The following ZC3H12B variants were observed in gnomAD, a reference collection of about 807,000 sequenced individuals.
ZC3H12B encodes probable ribonuclease ZC3H12B.
In ZC3H12B, 7 loss-of-function variants were observed where a neutral mutation model predicts 43.9. That is an observed-to-expected ratio of 0.16 (90% CI 0.09 to 0.30). The LOEUF (loss-of-function observed/expected upper bound fraction) is 0.30, where lower values mean the gene tolerates loss of function less well. Ranked by LOEUF, ZC3H12B falls within the 10% of genes least tolerant of loss-of-function variation. ZC3H12B has a pLI of 1.00. For synonymous variants in ZC3H12B, 222 were observed against 241.7 expected (o/e 0.92, Z 0.76); for missense variants, 475 against 670.2 (o/e 0.71, Z 3.22).
At chrX:65,196,847 C>A in the ZC3H12B span, among the ~76,000 whole-genome samples, 3 of 111,379 alleles carry the variant, frequency 2.7e-5, no homozygotes, top group African/African-American at 9.8e-5. Context: ...CTCCAATAGA[C>A]AGGAAAAAAG....
At chrX:65,424,882 T>C (rs1448216937) in intron 3 of ZC3H12B, among the ~76,000 whole-genome samples, 3 of 111,979 alleles carry the variant, frequency 2.7e-5, no homozygotes, top group African/African-American at 9.8e-5. Flanking sequence ...GTAGTATAGT[T>C]TGAAGTTGGG....
the ZC3H12B span, among the ~76,000 whole-genome samples, chrX:65,294,595 C>T: frequency 1.8e-5 from 2 of 111,619 alleles, no homozygotes; most frequent in African/African-American, 3.2e-5. Context: ...TATCTGCTAT[C>T]TTCAGAAGAC....
intron 3 of ZC3H12B, among the ~76,000 whole-genome samples, chrX:65,418,190 C>T (rs73518258): frequency 1.9e-3 from 213 of 111,225 alleles, no homozygotes; most frequent in African/African-American, 6.7e-3. Flanking sequence ...TGAGAGAATG[C>T]TACCTTAATT....
the ZC3H12B span, among the ~76,000 whole-genome samples, chrX:65,119,162 C>A: frequency 9.0e-6 from 1 of 111,512 alleles, no homozygotes; most frequent in Non-Finnish European, 1.9e-5. Context: ...TGGGTGTATA[C>A]CCAGTAATCG....
the ZC3H12B span, among the ~76,000 whole-genome samples, chrX:65,240,250 T>G: frequency 8.9e-6 from 1 of 111,884 alleles, no homozygotes; most frequent in Admixed American, 9.5e-5. Flanking sequence ...AGTCCCATAT[T>G]TTTTGGAGGT....
chrX:65,102,713 C>A, the ZC3H12B span, among the ~76,000 whole-genome samples: 41 of 111,522 alleles, frequency 3.7e-4, no homozygotes, highest in South Asian at 7.5e-4. Flanking sequence ...AGAACAAAAA[C>A]CACTTCTCAA....
chrX:65,099,205 A>G, the ZC3H12B span, among the ~76,000 whole-genome samples: 5 of 111,721 alleles, frequency 4.5e-5, no homozygotes, highest in African/African-American at 1.6e-4. Flanking sequence ...AAAGGCAGCA[A>G]CCTCAGTCAG....
chrX:65,255,293 G>A, the ZC3H12B span, among the ~76,000 whole-genome samples: 1 of 111,601 alleles, frequency 9.0e-6, no homozygotes, highest in Admixed American at 9.5e-5. Flanking sequence ...AAAACGTTAA[G>A]TCAGCTAGAG....
chrX:65,134,402 G>A, the ZC3H12B span, among the ~76,000 whole-genome samples: 2 of 111,682 alleles, frequency 1.8e-5, no homozygotes, highest in African/African-American at 3.3e-5. Flanking sequence ...TCCCTAGTCC[G>A]TGACCAGCAC....
intron 1 of ZC3H12B, among the ~76,000 whole-genome samples, chrX:65,491,181 A>ATGAATAC (rs2068197293): frequency 8.9e-6 from 1 of 112,176 alleles, no homozygotes; most frequent in Admixed American, 9.4e-5. Context: ...ACTAACATTT[A>ATGAATAC]TGAATACTGA....
chrX:65,424,708 A>AT (rs1016774640), intron 3 of ZC3H12B, among the ~76,000 whole-genome samples: 4 of 111,773 alleles, frequency 3.6e-5, no homozygotes, highest in Admixed American at 1.9e-4. Flanking sequence ...TCCCAGAACA[A>AT]TTTTTTGTAT....
chrX:65,074,171 AGTT>A, the ZC3H12B span, among the ~76,000 whole-genome samples: 1 of 111,526 alleles, frequency 9.0e-6, no homozygotes, highest in Non-Finnish European at 1.9e-5. Context: ...AGGTGCATCT[AGTT>A]GTGATGAACT....
chrX:65,296,551 T>G, the ZC3H12B span, among the ~76,000 whole-genome samples: 1 of 110,958 alleles, frequency 9.0e-6, no homozygotes, highest in Admixed American at 9.6e-5. Flanking sequence ...ACCAGAGAGA[T>G]TCACAGCTGA....
intron 3 of ZC3H12B, among the ~76,000 whole-genome samples, chrX:65,411,726 A>AAAATAAATAAAT (rs564238814): frequency 8.4e-5 from 9 of 107,691 alleles, no homozygotes; most frequent in African/African-American, 3.1e-4. Context: ...ACTCCATCTC[A>AAAATAAATAAAT]AAATAAATAA....
chrX:65,332,320 C>T, the ZC3H12B span, among the ~76,000 whole-genome samples: 1 of 110,588 alleles, frequency 9.0e-6, no homozygotes, highest in Non-Finnish European at 1.9e-5. Context: ...TCGGTATGTC[C>T]AGGGGCATGC....
chrX:65,199,955 G>A, the ZC3H12B span, among the ~76,000 whole-genome samples: 2 of 110,003 alleles, frequency 1.8e-5, no homozygotes, highest in Non-Finnish European at 3.8e-5. Context: ...TATTTCTCTG[G>A]GTATATACCC....
At chrX:65,241,296 G>A in the ZC3H12B span, among the ~76,000 whole-genome samples, 1 of 109,934 alleles carries the variant, frequency 9.1e-6, no homozygotes, top group East Asian at 2.9e-4. Flanking sequence ...GAGGAGGGAT[G>A]GATTGGGGTC....
At chrX:65,425,687 TC>T (rs2067072691) in intron 3 of ZC3H12B, among the ~76,000 whole-genome samples, 2 of 111,970 alleles carry the variant, frequency 1.8e-5, no homozygotes, top group South Asian at 7.4e-4. Flanking sequence ...TTGAATTTTA[TC>T]AAAAGGCTTT....
At chrX:65,054,914 T>C in the ZC3H12B span, among the ~76,000 whole-genome samples, 1 of 111,687 alleles carries the variant, frequency 9.0e-6, no homozygotes, top group Admixed American at 9.5e-5. Context: ...ATAAGAATGT[T>C]TGTGATTTTT....
Sources: allele counts gnomAD v4.1 joint callset (sites outside exome capture counted in the v4.1 genomes callset), GRCh38; gene constraint gnomAD v4.1.1; transcripts MANE v1.5; gene names NCBI Gene and HGNC (gene_info 2026-07-23, HGNC 2026-07-21).